The following CWF19L2 variants were observed in gnomAD, a reference collection of about 807,000 sequenced individuals.
CWF19L2 encodes CWF19-like protein 2.
A neutral mutation model predicts 111.7 loss-of-function variants in CWF19L2; 98 were observed. The observed-to-expected ratio is 0.88, with a 90% CI of 0.75 to 1.04. CWF19L2 has a LOEUF of 1.04. Among genes scored for constraint, CWF19L2 ranks in the 50% least tolerant of loss-of-function variants. The probability of loss-of-function intolerance (pLI) is 0.00; values close to 1 mark genes in which losing one functional copy is unlikely to be tolerated. For missense variants in CWF19L2, 1,101 were observed against 1,051.4 expected, an observed-to-expected ratio of 1.05 and a Z score of -0.65; for synonymous variants, 351 against 342.9, an observed-to-expected ratio of 1.02 and a Z score of -0.26.
At chr11:107,369,171 A>ATTTT (rs1282720627) in intron 12 of CWF19L2, among the ~76,000 whole-genome samples, 1 of 136,452 alleles carries the variant, frequency 7.3e-6, no homozygotes, top group Non-Finnish European at 1.6e-5. Flanking sequence ...TTAGTTATCC[A>ATTTT]TTTTTTTCTT....
intron 6 of CWF19L2, among the ~76,000 whole-genome samples, chr11:107,436,924 A>G (rs1421880130): frequency 2.0e-5 from 3 of 152,172 alleles, no homozygotes; most frequent in Non-Finnish European, 4.4e-5. Flanking sequence ...AAAAAAGCTG[A>G]TATATAACTG....
chr11:107,382,450 C>T (rs1860700814), intron 12 of CWF19L2, among the ~76,000 whole-genome samples: 5 of 152,246 alleles, frequency 3.3e-5, no homozygotes, highest in Admixed American at 3.3e-4. Flanking sequence ...GTCTCAGTTC[C>T]CTCAGCTGTA....
intron 8 of CWF19L2, among the ~76,000 whole-genome samples, chr11:107,424,178 T>A (rs1861342259): frequency 7.2e-6 from 1 of 138,380 alleles, no homozygotes. Context: ...TAGCCACATT[T>A]CCCTCTTTTT....
Position 107,443,120 on chromosome 11 carries a change from A to C in CWF19L2, c.340-71T>G, listed in dbSNP as rs985494531. Reference sequence around the variant, plus strand: ...TTGATATAAAAATTCTGTGCTGTTAAGTGGTAGAAATTCAACATCGTAGAA... The same window carrying C: ...TTGATATAAAAATTCTGTGCTGTTACGTGGTAGAAATTCAACATCGTAGAA... On this transcript the variant is annotated intron_variant, in intron 3 of 17. Coordinates refer to ENST00000282251, the MANE Select transcript of CWF19L2 (RefSeq NM_152434.3). 3 of 1,026,530 alleles carry C rather than the reference A, an allele frequency of 2.9e-6. No individual in the cohort carries two copies. In the African/African-American group the frequency reaches 4.8e-5, roughly 17 times the overall value. 63.6% of individuals were successfully genotyped at this position (1,026,530 alleles called of 1,614,324 possible).
chr11:107,359,856 C>G (rs1203242208), intron 12 of CWF19L2, among the ~76,000 whole-genome samples: 1 of 152,174 alleles, frequency 6.6e-6, no homozygotes, highest in Non-Finnish European at 1.5e-5. Context: ...TGCTATGACT[C>G]CTCACTCCAC....
intron 12 of CWF19L2, among the ~76,000 whole-genome samples, 190 bp from the exon 13 acceptor site, chr11:107,353,926 G>C (rs901274851): frequency 3.3e-5 from 5 of 152,036 alleles, no homozygotes; most frequent in African/African-American, 1.2e-4. Context: ...CACAGCTAAA[G>C]TTTACTGAAT....
At chr11:107,385,297 G>GA (rs1016360552) in intron 12 of CWF19L2, among the ~76,000 whole-genome samples, 1 of 138,712 alleles carries the variant, frequency 7.2e-6, no homozygotes, top group Non-Finnish European at 1.5e-5. Context: ...TGCATATTTA[G>GA]AAAAAACACC....
In CWF19L2 at chr11:107,334,907, G is replaced by T. The variant is rs747030695; in HGVS notation, c.2413C>A (p.Leu805Ile). Residue 805 changes from leucine (L) to isoleucine (I), a missense_variant, in exon 16 of 18, where the codon CTC (leucine) becomes ATC (isoleucine). By Grantham distance (5) the Leu-to-Ile change is conservative. Coordinates refer to ENST00000282251, the MANE Select transcript of CWF19L2 (RefSeq NM_152434.3). ...GACTTTCTGATATCTTTTGAAGAGA[G>T]ATCTATCAACTTCTTGTTCATGGAC... ...EWSMNKKLID[L>I]SSKDIRKSVP... 4.4e-6 allele frequency: 7 copies of T among 1,603,980 alleles called. No individual in the cohort carries two copies. Among genetic ancestry groups the T allele is most frequent in the Non-Finnish European group, 6.0e-6 (7 of 1,171,490 alleles).
chr11:107,336,791 A>G (rs1859932077), intron 14 of CWF19L2, 78 bp from the exon 15 acceptor site: 3 of 798,730 alleles, frequency 3.8e-6, no homozygotes, highest in Non-Finnish European at 5.7e-6. Context: ...TATTTGAAAT[A>G]TGAAAACTTT....
intron 12 of CWF19L2, among the ~76,000 whole-genome samples, chr11:107,379,767 A>G (rs1279083520): frequency 6.6e-6 from 1 of 152,186 alleles, no homozygotes; most frequent in Non-Finnish European, 1.5e-5. Flanking sequence ...TTTATTAAGA[A>G]TCAGATACTC....
chr11:107,342,069 T>C (rs1283881740), intron 14 of CWF19L2, among the ~76,000 whole-genome samples: 1 of 152,046 alleles, frequency 6.6e-6, no homozygotes, highest in East Asian at 1.9e-4. Flanking sequence ...ATTTCTGCTC[T>C]TATCTTTATT....
intron 3 of CWF19L2, among the ~76,000 whole-genome samples, chr11:107,449,355 G>C (rs1389944938): frequency 2.0e-5 from 3 of 151,882 alleles, no homozygotes; most frequent in Non-Finnish European, 2.9e-5. Context: ...CAGACAAAAG[G>C]AAAATGGTAT....
chr11:107,348,722 T>G (rs182242420), intron 14 of CWF19L2: 7 of 287,870 alleles, frequency 2.4e-5, no homozygotes, highest in Non-Finnish European at 4.6e-5. Flanking sequence ...CACAGTTTAT[T>G]TCGTAGATAA....
intron 3 of CWF19L2, among the ~76,000 whole-genome samples, chr11:107,447,729 A>T (rs978257317): frequency 1.3e-5 from 2 of 152,234 alleles, no homozygotes; most frequent in Non-Finnish European, 2.9e-5. Flanking sequence ...CAGCAGTCAC[A>T]ATATAAGTTT....
chr11:107,403,636 TTTC>T (rs1296410963), intron 10 of CWF19L2: 4 of 775,832 alleles, frequency 5.2e-6, no homozygotes, highest in African/African-American at 1.7e-5. Context: ...TCTCCTCGTC[TTTC>T]TTCTCCTCAC....
intron 12 of CWF19L2, among the ~76,000 whole-genome samples, chr11:107,371,993 C>G (rs972370570): frequency 7.3e-6 from 1 of 136,870 alleles, no homozygotes; most frequent in Non-Finnish European, 1.6e-5. Context: ...ATGGGAACAA[C>G]AGAATATATC....
chr11:107,403,795 C>A, intron 10 of CWF19L2: 1 of 870,514 alleles, frequency 1.1e-6, no homozygotes, highest in South Asian at 1.3e-5. Context: ...TCTCCATATC[C>A]ACTTCTACTG....
intron 3 of CWF19L2, among the ~76,000 whole-genome samples, chr11:107,451,554 C>T (rs1450916398): frequency 2.0e-5 from 3 of 151,924 alleles, no homozygotes; most frequent in Admixed American, 1.3e-4. Flanking sequence ...GACAGACTGA[C>T]AGAGGAAACA....
chr11:107,348,852 A>C, intron 14 of CWF19L2, 85 bp downstream of exon 14: 1 of 666,152 alleles, frequency 1.5e-6, no homozygotes, highest in South Asian at 2.1e-5. Context: ...CATTAAATGA[A>C]GTTATACCTA....
Sources: gnomAD v4.1 joint callset for allele counts (sites outside exome capture counted in the v4.1 genomes callset) on GRCh38, gnomAD v4.1.1 for gene constraint, MANE v1.5 for transcripts, NCBI Gene and HGNC (gene_info 2026-07-23, HGNC 2026-07-21) for gene names.